Variants in ADAMTSL1 observed in about 807,000 individuals in gnomAD.
ADAMTSL1 encodes the protein ADAMTS-like protein 1.
ADAMTSL1 carries 126 observed loss-of-function variants against 201.8 expected under a neutral mutation model. That is an observed-to-expected ratio of 0.62 (90% confidence interval 0.54 to 0.72). The LOEUF is 0.72. Ranked by LOEUF, ADAMTSL1 falls within the 30% of genes least tolerant of loss-of-function variation. The pLI, the probability that ADAMTSL1 is intolerant of heterozygous loss-of-function variation, is 0.00. For missense variants in ADAMTSL1, 2,679 were observed against 2,277.8 expected (o/e 1.18, Z -3.59); for synonymous variants, 1,121 against 903.4 (o/e 1.24, Z -4.32).
chr9:18,781,333 T>A (rs563108707), intron 19 of ADAMTSL1, among the ~76,000 whole-genome samples: 74 of 152,304 alleles, frequency 4.9e-4, no homozygotes, highest in Middle Eastern at 3.4e-3. Context: ...TTTTTATTTT[T>A]CTGGATCTAG....
chr9:18,870,715 T>C (rs1187912581), intron 23 of ADAMTSL1, among the ~76,000 whole-genome samples: 3 of 152,168 alleles, frequency 2.0e-5, no homozygotes, highest in African/African-American at 7.2e-5. Flanking sequence ...AATTGCCAGG[T>C]TTCTAGGCTA....
rs562436529 is a variant in ADAMTSL1, at chr9:18,892,046, G to C, written c.4644-343G>C. ...TTATGGCCACATCACTCCACATTCA[G>C]CCTTCATGGTCACATTGTCTCCTCC... On this transcript the variant is annotated intron_variant, in intron 25 of 28. Transcript: ENST00000380548. Among the ~76,000 whole-genome samples the C allele has an allele frequency of 4.6e-5, 7 of 152,242 alleles. No homozygotes were observed. In the East Asian group the frequency reaches 1.4e-3, roughly 29 times the overall value.
At chr9:17,941,318 G>T (rs1002114155) in intron 1 of ADAMTSL1, among the ~76,000 whole-genome samples, 16 of 152,054 alleles carry the variant, frequency 1.1e-4, no homozygotes, top group Middle Eastern at 3.2e-3. Flanking sequence ...TCAATTTGGA[G>T]TTATAAAAAT....
intron 23 of ADAMTSL1, among the ~76,000 whole-genome samples, chr9:18,875,474 G>T (rs192527136): frequency 5.6e-4 from 85 of 152,232 alleles, no homozygotes; most frequent in African/African-American, 1.8e-3. Context: ...TCAGTTCAAA[G>T]AATTTTTTAA....
In ADAMTSL1 at chr9:17,951,332, C is replaced by T. The variant is rs564086355; in HGVS notation, c.87+44410C>T. Among the ~76,000 whole-genome samples the T allele has an allele frequency of 3.9e-5, 6 of 152,238 alleles. No homozygotes were observed. In the South Asian group the frequency reaches 1.2e-3, roughly 32 times the overall value. ...CACATGAGTCTGCCCAGAGTTTCTC[C>T]GGAGTGTCCATGTAGAAGTGGAGTT... On this transcript the variant is annotated intron_variant, in intron 1 of 29. Transcript: ENST00000680146.
intron 2 of ADAMTSL1, among the ~76,000 whole-genome samples, chr9:18,392,113 T>C (rs895688379): frequency 6.6e-6 from 1 of 152,140 alleles, no homozygotes; most frequent in African/African-American, 2.4e-5. Context: ...CATGAGTCAC[T>C]GCGACTGGCC....
intron 23 of ADAMTSL1, among the ~76,000 whole-genome samples, chr9:18,849,401 CAGTT>C (rs1365131827): frequency 6.6e-6 from 1 of 152,174 alleles, no homozygotes; most frequent in African/African-American, 2.4e-5. Context: ...CAAACAATGA[CAGTT>C]AGTGAATACC....
chr9:18,239,828 C>T (rs1054835889), intron 2 of ADAMTSL1, among the ~76,000 whole-genome samples: 8 of 152,016 alleles, frequency 5.3e-5, no homozygotes, highest in Non-Finnish European at 8.8e-5. Flanking sequence ...AAACCACTAT[C>T]AGTGTTTATC....
chr9:18,568,035 C>T (rs920779661), intron 3 of ADAMTSL1, among the ~76,000 whole-genome samples: 1 of 152,142 alleles, frequency 6.6e-6, no homozygotes, highest in South Asian at 2.1e-4. Context: ...CTCTTTCATT[C>T]TCTCAAAATA....
chr9:17,928,905 A>G lies in ADAMTSL1; in HGVS notation c.87+21983A>G, dbSNP rs76781059. On this transcript the variant is annotated intron_variant, in intron 1 of 29. Coordinates refer to the ADAMTSL1 transcript ENST00000680146. ...GTAGAATTTTAGAAAGGGTGCTGAA[A>G]GAAAAGGCAGTAGACCAGGAAACTC... is the stretch of plus-strand genomic sequence containing the variant. Among the ~76,000 whole-genome samples the G allele has an allele frequency of 9.2e-5, 14 of 152,294 alleles. No individual in the cohort carries two copies. In the East Asian group the frequency reaches 2.1e-3, roughly 23 times the overall value.
chr9:18,570,166 C>T (rs866991460), intron 3 of ADAMTSL1, among the ~76,000 whole-genome samples: 1 of 151,268 alleles, frequency 6.6e-6, no homozygotes, highest in East Asian at 1.9e-4. Flanking sequence ...CCAGACCTGT[C>T]TGAGCAACTT....
chr9:18,658,363 G>A (rs1433570212), intron 8 of ADAMTSL1, among the ~76,000 whole-genome samples: 1 of 152,166 alleles, frequency 6.6e-6, no homozygotes, highest in African/African-American at 2.4e-5. Flanking sequence ...CCTGAAGCAG[G>A]CAGGTCCATT....
chr9:18,612,594 G>T (rs7028404), intron 4 of ADAMTSL1, among the ~76,000 whole-genome samples: 3 of 151,900 alleles, frequency 2.0e-5, no homozygotes, highest in East Asian at 3.9e-4. Flanking sequence ...CAACTGTCTG[G>T]TCTTTGACAA....
At chr9:18,347,763 G>A (rs1211052517) in intron 2 of ADAMTSL1, among the ~76,000 whole-genome samples, 1 of 152,136 alleles carries the variant, frequency 6.6e-6, no homozygotes, top group African/African-American at 2.4e-5. Context: ...GGTGAGCAAT[G>A]GGTCCACCAT....
At chr9:18,034,787 T>C (rs1821121467) in intron 1 of ADAMTSL1, among the ~76,000 whole-genome samples, 1 of 152,222 alleles carries the variant, frequency 6.6e-6, no homozygotes, top group Non-Finnish European at 1.5e-5. Context: ...TTTTTCTCCA[T>C]TTTTGACACA....
At chr9:18,000,823 G>T (rs59667295) in intron 1 of ADAMTSL1, among the ~76,000 whole-genome samples, 3 of 152,018 alleles carry the variant, frequency 2.0e-5, no homozygotes, top group Admixed American at 1.3e-4. Flanking sequence ...GGTGAATCCA[G>T]GTGACAGGGA....
At chr9:18,033,229 C>G (rs1311977900) in intron 1 of ADAMTSL1, among the ~76,000 whole-genome samples, 1 of 152,100 alleles carries the variant, frequency 6.6e-6, no homozygotes, top group Non-Finnish European at 1.5e-5. Flanking sequence ...TATGGTACCA[C>G]TTTAATAAGA....
chr9:18,614,464 A>G (rs1211971427), intron 4 of ADAMTSL1, among the ~76,000 whole-genome samples: 1 of 152,168 alleles, frequency 6.6e-6, no homozygotes, highest in Non-Finnish European at 1.5e-5. Context: ...TGTGAAATAG[A>G]CACAATTGTA....
At chr9:18,778,845 C>T (rs542389310) in intron 19 of ADAMTSL1, among the ~76,000 whole-genome samples, 39 of 152,298 alleles carry the variant, frequency 2.6e-4, no homozygotes, top group Non-Finnish European at 5.1e-4. Flanking sequence ...AAAGAACTTC[C>T]TTATGGGTAG....
Sources: allele counts gnomAD v4.1 joint callset (sites outside exome capture counted in the v4.1 genomes callset), GRCh38; gene constraint gnomAD v4.1.1; transcripts MANE v1.5; gene names NCBI Gene and HGNC (gene_info 2026-07-23, HGNC 2026-07-21).